Variants in GRIA2 observed in about 807,000 individuals in gnomAD.
GRIA2 encodes glutamate receptor 2.
A neutral mutation model predicts 97.3 loss-of-function variants in GRIA2; 14 were observed. The observed-to-expected ratio is 0.14, with a 90% confidence interval of 0.10 to 0.23. GRIA2 has a LOEUF of 0.23. Among genes scored for constraint, GRIA2 ranks in the 10% least tolerant of loss-of-function variants. The probability of loss-of-function intolerance (pLI) is 1.00; values close to 1 mark genes in which losing one functional copy is unlikely to be tolerated. For missense variants in GRIA2, 558 were observed against 1,069.8 expected, an observed-to-expected ratio of 0.52 and a Z score of 6.67; for synonymous variants, 412 against 387.8, an observed-to-expected ratio of 1.06 and a Z score of -0.73.
intron 12 of GRIA2, among the ~76,000 whole-genome samples, chr4:157,343,899 C>G (rs957763433): frequency 3.3e-5 from 5 of 151,982 alleles, no homozygotes; most frequent in African/African-American, 1.2e-4. Context: ...ATTTTTCTAA[C>G]TGTATTACAA....
chr4:157,302,931 G>T lies in GRIA2; in HGVS notation c.230-621G>T, dbSNP rs377421831. On this transcript the variant is annotated intron_variant, in intron 2 of 15. Coordinates refer to ENST00000264426, the MANE Select transcript of GRIA2 (RefSeq NM_001083619.3). ...AATTAATATGTAGTGTAACATATAG[G>T]GTAAGTTAGGTCCATGGGGAAGATT... 2.0e-5 allele frequency among the ~76,000 whole-genome samples: 3 copies of T among 152,050 alleles called. No individual in the cohort carries two copies. The East Asian group carries it at 5.8e-4, about 29-fold the overall frequency.
chr4:157,283,861 G>A (rs978609194), intron 2 of GRIA2, among the ~76,000 whole-genome samples: 1 of 151,878 alleles, frequency 6.6e-6, no homozygotes, highest in Non-Finnish European at 1.5e-5. Context: ...TATGCTATAA[G>A]ATGAAAGAGA....
At chr4:157,341,798 AT>A (rs890367622) in intron 12 of GRIA2, among the ~76,000 whole-genome samples, 14 of 152,252 alleles carry the variant, frequency 9.2e-5, no homozygotes, top group African/African-American at 3.4e-4. Context: ...TTTTTATTTG[AT>A]TTTAAATAAA....
intron 5 of GRIA2, among the ~76,000 whole-genome samples, chr4:157,321,172 T>C (rs900888913): frequency 6.6e-6 from 1 of 152,116 alleles, no homozygotes; most frequent in East Asian, 1.9e-4. Context: ...GTGGAGAACA[T>C]TTATGTAGGT....
intron 12 of GRIA2, among the ~76,000 whole-genome samples, chr4:157,358,295 A>G (rs1215424593): frequency 1.3e-5 from 2 of 152,184 alleles, no homozygotes; most frequent in African/African-American, 4.8e-5. Flanking sequence ...TAACTAAATC[A>G]CAAAATAGCT....
chr4:157,320,766 A>G (rs1734525302), intron 5 of GRIA2, among the ~76,000 whole-genome samples: 1 of 152,164 alleles, frequency 6.6e-6, no homozygotes, highest in Non-Finnish European at 1.5e-5. Flanking sequence ...CATCTTTGAG[A>G]GAGATATACT....
At chr4:157,352,628 G>A (rs540899103) in intron 12 of GRIA2, among the ~76,000 whole-genome samples, 2 of 149,688 alleles carry the variant, frequency 1.3e-5, no homozygotes, top group Non-Finnish European at 3.0e-5. Context: ...ACTGAGGCAG[G>A]AGAATCGCTT....
intron 4 of GRIA2, among the ~76,000 whole-genome samples, chr4:157,314,320 T>C (rs758433568): frequency 1.2e-4 from 19 of 152,308 alleles, no homozygotes; most frequent in Non-Finnish European, 1.8e-4. Context: ...TAAATCCTAA[T>C]TGATATATAA....
intron 2 of GRIA2, among the ~76,000 whole-genome samples, chr4:157,263,839 T>C (rs1731654349): frequency 6.6e-6 from 1 of 152,124 alleles, no homozygotes; most frequent in African/African-American, 2.4e-5. Context: ...AGATCATAGA[T>C]GCTGATCTTT....
intron 12 of GRIA2, among the ~76,000 whole-genome samples, chr4:157,358,667 A>G (rs1736499459): frequency 6.6e-6 from 1 of 152,126 alleles, no homozygotes; most frequent in African/African-American, 2.4e-5. Context: ...GGTGACAGTG[A>G]GAAACACAAC....
chr4:157,310,897 A>G (rs916263968), intron 3 of GRIA2, among the ~76,000 whole-genome samples: 2 of 152,050 alleles, frequency 1.3e-5, no homozygotes, highest in African/African-American at 2.4e-5. Context: ...AGTTTACATT[A>G]TTGGCATGAA....
chr4:157,265,310 C>T (rs541944013), intron 2 of GRIA2, among the ~76,000 whole-genome samples: 19 of 152,184 alleles, frequency 1.2e-4, no homozygotes, highest in African/African-American at 4.6e-4. Flanking sequence ...AACAAACCAG[C>T]CCAAAACTTA....
intron 12 of GRIA2, among the ~76,000 whole-genome samples, chr4:157,353,418 CCCAG>C (rs1736105113): frequency 6.6e-6 from 1 of 152,004 alleles, no homozygotes; most frequent in Non-Finnish European, 1.5e-5. Context: ...CGCCTGTAAT[CCCAG>C]CACTTTGGGA....
intron 11 of GRIA2, among the ~76,000 whole-genome samples, chr4:157,339,954 A>G (rs1579376648): frequency 6.6e-6 from 1 of 151,798 alleles, no homozygotes; most frequent in Non-Finnish European, 1.5e-5. Flanking sequence ...TTTCATACAG[A>G]CTTTGTGATA....
intron 2 of GRIA2, among the ~76,000 whole-genome samples, chr4:157,293,594 A>C (rs1003162562): frequency 6.6e-6 from 1 of 152,172 alleles, no homozygotes; most frequent in Non-Finnish European, 1.5e-5. Context: ...AAGGGAATTT[A>C]CATCCTTTTA....
At chr4:157,314,287 C>T (rs927055207) in intron 4 of GRIA2, among the ~76,000 whole-genome samples, 1 of 152,138 alleles carries the variant, frequency 6.6e-6, no homozygotes, top group Non-Finnish European at 1.5e-5. Context: ...CAACACAAAA[C>T]ATTCTGTAAC....
At chr4:157,339,743 G>T (rs1250759302) in intron 11 of GRIA2, among the ~76,000 whole-genome samples, 3 of 151,822 alleles carry the variant, frequency 2.0e-5, no homozygotes, top group Non-Finnish European at 4.4e-5. Context: ...GAGCAGGCAG[G>T]TACTGAATCT....
intron 3 of GRIA2, among the ~76,000 whole-genome samples, chr4:157,312,334 T>G (rs2126884990): frequency 6.6e-6 from 1 of 152,218 alleles, no homozygotes; most frequent in Non-Finnish European, 1.5e-5. Context: ...GTAAGAAATG[T>G]TTGTGATGCC....
At chr4:157,231,292 G>A (rs1208575009) in intron 2 of GRIA2, among the ~76,000 whole-genome samples, 1 of 152,124 alleles carries the variant, frequency 6.6e-6, no homozygotes, top group Non-Finnish European at 1.5e-5. Context: ...GCCCACCTCG[G>A]CCTCCCAAAG....
Sources: allele counts gnomAD v4.1 joint callset (sites outside exome capture counted in the v4.1 genomes callset), GRCh38; gene constraint gnomAD v4.1.1; transcripts MANE v1.5; gene names NCBI Gene and HGNC (gene_info 2026-07-23, HGNC 2026-07-21).